OVCH1: variants seen among roughly 807,000 people sequenced by gnomAD.
The protein encoded by OVCH1 is ovochymase 1, also known as ovochymase-1.
In OVCH1, 139 loss-of-function variants were observed where a neutral mutation model predicts 138.4. The observed-to-expected ratio is 1.00, with a 90% CI of 0.87 to 1.16. The LOEUF is 1.16. Ranked by LOEUF, OVCH1 falls within the 50% of genes most tolerant of loss-of-function variation. The pLI is 0.00. For synonymous variants in OVCH1, 453 were observed against 467.8 expected, an observed-to-expected ratio of 0.97 and a Z score of 0.41; for missense variants, 1,367 against 1,357.9, an observed-to-expected ratio of 1.01 and a Z score of -0.11.
chr12:29,495,193 A>C, intron 4 of OVCH1, 92 bp downstream of exon 4: 1 of 1,216,182 alleles, frequency 8.2e-7, no homozygotes, highest in Non-Finnish European at 1.2e-6. Context: ...CTATTCTATT[A>C]CTAGACAGCC....
At chr12:29,462,073 ATT>A in intron 18 of OVCH1, 65 bp from the exon 19 acceptor site, 2 of 1,532,450 alleles carry the variant, frequency 1.3e-6, no homozygotes, top group Admixed American at 3.5e-5. Context: ...TTAGAAATGT[ATT>A]TAAGTTCAGA....
chr12:29,491,282 C>T (rs1227583447), intron 4 of OVCH1, 90 bp from the exon 5 acceptor site: 2 of 1,068,152 alleles, frequency 1.9e-6, no homozygotes, highest in Non-Finnish European at 2.8e-6. Context: ...TTCATGGCTT[C>T]TACACTTTCT....
intron 25 of OVCH1, among the ~76,000 whole-genome samples, 188 bp downstream of exon 26, chr12:29,439,665 C>T (rs958982044): frequency 8.5e-5 from 13 of 152,200 alleles, no homozygotes; most frequent in East Asian, 7.7e-4. Context: ...TGGGTTAGCA[C>T]GGACTGCACA....
chr12:29,422,987 A>G, downstream of OVCH1: 1 of 226,188 alleles, frequency 4.4e-6, no homozygotes, highest in Non-Finnish European at 8.9e-6. Context: ...TTATGCCTTA[A>G]GGAATGGTTT....
intron 3 of OVCH1, among the ~76,000 whole-genome samples, chr12:29,417,460 C>CAAAAA (rs759067203): frequency 2.6e-4 from 16 of 60,720 alleles, no homozygotes; most frequent in African/African-American, 9.2e-4. Flanking sequence ...CACTCCGTCT[C>CAAAAA]AAAAAAAAAA....
At chr12:29,432,422 C>A (rs1166385836) in intron 27 of OVCH1, among the ~76,000 whole-genome samples, 2 of 152,068 alleles carry the variant, frequency 1.3e-5, no homozygotes, top group Non-Finnish European at 2.9e-5. Flanking sequence ...CAAGGTGGAC[C>A]AAGTTTAATG....
At chr12:29,439,187 G>GCCAC (rs1941421876) in intron 26 of OVCH1, 1 of 613,840 alleles carries the variant, frequency 1.6e-6, no homozygotes, top group South Asian at 5.6e-5. Context: ...CCTACAATAT[G>GCCAC]CCACCCCTAG....
At chr12:29,470,473 G>A (rs1393960162) in intron 16 of OVCH1, among the ~76,000 whole-genome samples, 1 of 152,032 alleles carries the variant, frequency 6.6e-6, no homozygotes, top group African/African-American at 2.4e-5. Context: ...GCATTGTTTG[G>A]TTTTCTGTTC....
chr12:29,459,701 GA>G (rs1565585430), intron 19 of OVCH1, among the ~76,000 whole-genome samples: 1 of 151,996 alleles, frequency 6.6e-6, no homozygotes, highest in Non-Finnish European at 1.5e-5. Flanking sequence ...ACCCTGATGT[GA>G]TTATTCCTTG....
At chr12:29,484,497 T>C (rs1312463873) in intron 8 of OVCH1, among the ~76,000 whole-genome samples, 2 of 152,122 alleles carry the variant, frequency 1.3e-5, no homozygotes, top group African/African-American at 4.8e-5. Context: ...CAGATAAAAA[T>C]GCCAAAATAA....
chr12:29,457,335 C>T (rs1941982083), intron 19 of OVCH1, among the ~76,000 whole-genome samples: 2 of 149,784 alleles, frequency 1.3e-5, no homozygotes, highest in African/African-American at 4.9e-5. Flanking sequence ...TCTCTTTTTG[C>T]CAGTGCCTAT....
intron 8 of OVCH1, among the ~76,000 whole-genome samples, chr12:29,481,284 C>T (rs1485427149): frequency 6.6e-6 from 1 of 152,118 alleles, no homozygotes; most frequent in Middle Eastern, 3.4e-3. Flanking sequence ...CTTATATGAA[C>T]CTATCTTAGG....
At chr12:29,438,705 G>GTAA (rs951827203) in intron 26 of OVCH1, among the ~76,000 whole-genome samples, 16 of 152,086 alleles carry the variant, frequency 1.1e-4, no homozygotes, top group African/African-American at 3.9e-4. Context: ...ATTACTAAAT[G>GTAA]TAATTGAAGT....
intron 1 of OVCH1, among the ~76,000 whole-genome samples, chr12:29,497,005 T>C (rs1592127734): frequency 6.6e-6 from 1 of 152,154 alleles, no homozygotes; most frequent in Admixed American, 6.5e-5. Context: ...ATGCAGTGGT[T>C]CCCGCCTGTA....
intron 5 of OVCH1, 78 bp downstream of exon 5, chr12:29,491,019 G>T: frequency 2.5e-6 from 3 of 1,216,048 alleles, no homozygotes; most frequent in Non-Finnish European, 3.6e-6. Context: ...TACTACTCAT[G>T]GTCAACAAAA....
At chr12:29,410,619 AAG>A (rs1940942410), downstream of OVCH1, among the ~76,000 whole-genome samples, 2 of 141,810 alleles carry the variant, frequency 1.4e-5, no homozygotes, top group Admixed American at 1.5e-4. Flanking sequence ...TCTTTTCTTT[AAG>A]AATGTTGAAT....
intron 7 of OVCH1, 94 bp from the exon 8 acceptor site, chr12:29,486,442 T>C: frequency 1.0e-6 from 1 of 998,312 alleles, no homozygotes; most frequent in Non-Finnish European, 1.5e-6. Context: ...TATGAAGAAT[T>C]ATAACTTCTA....
At chr12:29,472,533 C>G (rs569920042) in intron 15 of OVCH1, among the ~76,000 whole-genome samples, 1 of 152,152 alleles carries the variant, frequency 6.6e-6, no homozygotes, top group South Asian at 2.1e-4. Context: ...CTTCTCCAAC[C>G]CTCCAGCAAC....
At chr12:29,490,740 T>C (rs1943250683) in intron 5 of OVCH1, among the ~76,000 whole-genome samples, 1 of 152,168 alleles carries the variant, frequency 6.6e-6, no homozygotes, top group African/African-American at 2.4e-5. Context: ...GTAATCACCC[T>C]TCTACTTTTT....
Sources: gnomAD v4.1 joint callset for allele counts (sites outside exome capture counted in the v4.1 genomes callset) on GRCh38, gnomAD v4.1.1 for gene constraint, MANE v1.5 for transcripts, NCBI Gene and HGNC (gene_info 2026-07-23, HGNC 2026-07-21) for gene names.